The following OLFM3 variants were observed in gnomAD, a reference collection of about 807,000 sequenced individuals.
OLFM3 encodes the protein olfactomedin 3.
A neutral mutation model predicts 48.6 loss-of-function variants in OLFM3; 20 were observed. That is an observed-to-expected ratio of 0.41 (90% CI 0.29 to 0.60). The LOEUF is 0.60. Among genes scored for constraint, OLFM3 ranks in the 20% least tolerant of loss-of-function variants. The pLI, the probability that OLFM3 is intolerant of heterozygous loss-of-function variation, is 0.28. For synonymous variants in OLFM3, 222 were observed against 198.1 expected (o/e 1.12, Z -1.01); for missense variants, 437 against 544.3 (o/e 0.80, Z 1.96).
intron 1 of OLFM3, among the ~76,000 whole-genome samples, chr1:101,979,071 C>T (rs1288148723): frequency 6.6e-6 from 1 of 151,944 alleles, no homozygotes; most frequent in African/African-American, 2.4e-5. Context: ...AAAAGTGAAC[C>T]CTATTCTTCT....
In OLFM3 at chr1:101,915,254, G is replaced by C. The variant is rs1307607812; in HGVS notation, c.70-78229C>G. Among the ~76,000 whole-genome samples, 4 of 151,912 alleles carry C rather than the reference G, an allele frequency of 2.6e-5. No individual in the cohort carries two copies. The East Asian group carries it at 7.7e-4, about 29-fold the overall frequency. On this transcript the variant is annotated intron_variant, in intron 1 of 5. Coordinates refer to ENST00000370103, the MANE Select transcript of OLFM3 (RefSeq NM_058170.4). Reference sequence around the variant, plus strand: ...TACAGAAAATACCTGAAATTTTTTGGAGTGCTTTATTTAACCAGTGGGAAT... The same window carrying C: ...TACAGAAAATACCTGAAATTTTTTGCAGTGCTTTATTTAACCAGTGGGAAT...
At chr1:101,834,842 A>C (rs575309201) in intron 2 of OLFM3, among the ~76,000 whole-genome samples, 4 of 152,334 alleles carry the variant, frequency 2.6e-5, no homozygotes, top group African/African-American at 9.6e-5. Flanking sequence ...AATTTCTATT[A>C]TTATTTTCAA....
chr1:101,939,063 C>T (rs540392869), intron 1 of OLFM3, among the ~76,000 whole-genome samples: 3 of 151,898 alleles, frequency 2.0e-5, no homozygotes, highest in South Asian at 4.2e-4. Flanking sequence ...TGGTAAAATC[C>T]CTGCAATGCT....
chr1:101,956,955 G>A (rs569392328), intron 1 of OLFM3, among the ~76,000 whole-genome samples: 4 of 151,846 alleles, frequency 2.6e-5, no homozygotes, highest in Admixed American at 1.3e-4. Context: ...CTCCAAGATA[G>A]AGAATGTCCA....
intron 1 of OLFM3, among the ~76,000 whole-genome samples, chr1:101,977,787 T>A (rs188198498): frequency 1.1e-3 from 169 of 152,282 alleles, no homozygotes; most frequent in Non-Finnish European, 1.8e-3. Flanking sequence ...TTGTGGTTTC[T>A]TTTTTCTCTT....
intron 1 of OLFM3, among the ~76,000 whole-genome samples, chr1:101,952,069 GTA>G (rs1199309839): frequency 2.7e-4 from 41 of 151,990 alleles, no homozygotes; most frequent in African/African-American, 9.6e-4. Context: ...TTTCTCACTG[GTA>G]CTTTTGATCA....
intron 3 of OLFM3, among the ~76,000 whole-genome samples, chr1:101,830,199 A>AT (rs372273584): frequency 6.6e-6 from 1 of 152,042 alleles, no homozygotes; most frequent in Non-Finnish European, 1.5e-5. Context: ...ACATAGCATG[A>AT]TTTTTTTCTC....
chr1:101,923,131 T>C (rs1659154134), intron 1 of OLFM3, among the ~76,000 whole-genome samples: 1 of 152,210 alleles, frequency 6.6e-6, no homozygotes, highest in African/African-American at 2.4e-5. Context: ...CCAGGTGGTC[T>C]TATCCAGCAG....
rs150512374 is a variant in OLFM3, at chr1:101,844,206, G to C, written c.70-7181C>G. Among the ~76,000 whole-genome samples the C allele has an allele frequency of 1.3e-3, 204 of 152,288 alleles. 1 individual carries two copies. Among genetic ancestry groups the C allele is most frequent in the Admixed American group, 1.5e-3 (23 of 15,302 alleles). ...TCACATGCCTAAAATGCCAAGAAAG[G>C]AGGATTTTTTTCTTCTTTATAAATG... On this transcript the variant is annotated intron_variant, in intron 1 of 5. Coordinates refer to ENST00000370103, the MANE Select transcript of OLFM3 (RefSeq NM_058170.4).
chr1:101,845,388 TA>T (rs796178785), intron 1 of OLFM3, among the ~76,000 whole-genome samples: 24 of 150,752 alleles, frequency 1.6e-4, no homozygotes, highest in South Asian at 6.3e-4. Context: ...CAGTCAACAA[TA>T]AAAAAAAACC....
intron 2 of OLFM3, among the ~76,000 whole-genome samples, chr1:101,831,212 T>G (rs754233300): frequency 6.6e-6 from 1 of 152,202 alleles, no homozygotes; most frequent in Non-Finnish European, 1.5e-5. Context: ...TCTTAAATAT[T>G]TAGGATGTTT....
chr1:101,847,292 T>C (rs10874521), intron 1 of OLFM3, among the ~76,000 whole-genome samples: 35,051 of 151,958 alleles, frequency 0.23, 4,716 homozygotes, highest in Non-Finnish European at 0.3. Context: ...CTTTAGTTAG[T>C]TACCATCAAC....
intron 1 of OLFM3, among the ~76,000 whole-genome samples, chr1:101,911,392 G>C (rs1230437169): frequency 6.6e-6 from 1 of 152,078 alleles, no homozygotes; most frequent in African/African-American, 2.4e-5. Context: ...AAATTCAGTG[G>C]TGAGGTAAAA....
At chr1:101,871,698 A>G (rs567353336) in intron 1 of OLFM3, among the ~76,000 whole-genome samples, 19 of 152,172 alleles carry the variant, frequency 1.2e-4, no homozygotes, top group South Asian at 8.3e-4. Flanking sequence ...AAATTGTATC[A>G]AAAGAGTTAA....
At position 101,897,800 on chromosome 1, in the gene OLFM3, A is replaced by G. The variant is rs952632852; in HGVS notation, c.70-60775T>C. Reference sequence around the variant, plus strand: ...GATATTGATTAACATAATCCAAGTAACTCATGTGATGCAAAGTGGAAAATA... The same window carrying G: ...GATATTGATTAACATAATCCAAGTAGCTCATGTGATGCAAAGTGGAAAATA... On this transcript the variant is annotated intron_variant, in intron 1 of 5. Coordinates refer to ENST00000370103, the MANE Select transcript of OLFM3 (RefSeq NM_058170.4). 9.9e-5 allele frequency among the ~76,000 whole-genome samples: 15 copies of G among 152,276 alleles called. 1 individual carries two copies. The highest frequency in any genetic ancestry group is 9.8e-4 in the Admixed American group (15 of 15,304).
At chr1:101,889,592 G>T (rs1308820271) in intron 1 of OLFM3, among the ~76,000 whole-genome samples, 1 of 151,990 alleles carries the variant, frequency 6.6e-6, no homozygotes, top group Non-Finnish European at 1.5e-5. Flanking sequence ...CATAGCACAT[G>T]TATACATATG....
chr1:101,810,230 G>A (rs1406891581), intron 4 of OLFM3, among the ~76,000 whole-genome samples: 1 of 151,854 alleles, frequency 6.6e-6, no homozygotes, highest in Non-Finnish European at 1.5e-5. Flanking sequence ...AATCATATTA[G>A]GAGGAAACAT....
At chr1:101,945,000 A>G (rs571737718) in intron 1 of OLFM3, among the ~76,000 whole-genome samples, 1 of 152,232 alleles carries the variant, frequency 6.6e-6, no homozygotes, top group East Asian at 1.9e-4. Context: ...ATATACCACT[A>G]CACACATTTA....
At chr1:101,830,850 G>T (rs535457063) in intron 2 of OLFM3, 23 bp from the exon 3 acceptor site, 4 of 1,601,772 alleles carry the variant, frequency 2.5e-6, no homozygotes, top group Admixed American at 3.5e-5. Context: ...AATATTGTCT[G>T]TACATTATTA....
Sources: allele counts gnomAD v4.1 joint callset (sites outside exome capture counted in the v4.1 genomes callset), GRCh38; gene constraint gnomAD v4.1.1; transcripts MANE v1.5; gene names NCBI Gene and HGNC (gene_info 2026-07-23, HGNC 2026-07-21).